Variants in BMP2K observed in about 807,000 individuals in gnomAD.
BMP2K encodes the protein BMP2 inducible kinase.
A neutral mutation model predicts 116.0 loss-of-function variants in BMP2K; 74 were observed. The observed-to-expected ratio is 0.64, with a 90% CI of 0.53 to 0.77. The LOEUF (loss-of-function observed/expected upper bound fraction) is 0.77. BMP2K is among the 30% of genes least tolerant of loss of function. The probability of loss-of-function intolerance (pLI) is 0.00; values close to 1 mark genes in which losing one functional copy is unlikely to be tolerated. For missense variants in BMP2K, 1,365 were observed against 1,403.6 expected, an observed-to-expected ratio of 0.97 and a Z score of 0.44; for synonymous variants, 486 against 502.5, an observed-to-expected ratio of 0.97 and a Z score of 0.44.
chr4:78,911,451 A>G lies in BMP2K; in HGVS notation c.2904A>G (p.Gln968=). Residue 968 remains glutamine (Q), a synonymous_variant, in exon 16 of 16, where the codon CAA becomes CAG. Coordinates refer to ENST00000502613, the MANE Select transcript of BMP2K (RefSeq NM_198892.2). ...PFDEITGSQQ[Q]KVKQRSLQKL... is the part of the protein sequence containing the mutation. ...ATGAAATAACGGGGAGCCAGCAGCAAAAAGTCAAACAGCGCAGCTTACAGA... is the reference window on the plus strand; with the variant it reads ...ATGAAATAACGGGGAGCCAGCAGCAGAAAGTCAAACAGCGCAGCTTACAGA... 2 of 1,614,058 alleles carry G rather than the reference A, an allele frequency of 1.2e-6. No individual in the cohort carries two copies. The highest frequency in any genetic ancestry group is 1.7e-6 in the Non-Finnish European group (2 of 1,179,894).
At chr4:78,838,442 A>G (rs191444453) in intron 3 of BMP2K, among the ~76,000 whole-genome samples, 1 of 152,346 alleles carries the variant, frequency 6.6e-6, no homozygotes, top group Admixed American at 6.5e-5. Flanking sequence ...ATTTCTTTAT[A>G]GAAGAAATCC....
At position 78,828,266 on chromosome 4, in the gene BMP2K, T is replaced by C. The variant is rs775530902; in HGVS notation, c.297+2111T>C. Among the ~76,000 whole-genome samples the C allele has an allele frequency of 5.3e-5, 8 of 152,164 alleles. No homozygotes were observed. The East Asian group carries it at 1.3e-3, about 26-fold the overall frequency. On this transcript the variant is annotated intron_variant, in intron 2 of 15. Coordinates refer to ENST00000502613, the MANE Select transcript of BMP2K (RefSeq NM_198892.2). ...CTCACAGAACTCAGGGAAACACTTA[T>C]GGTTAGTGGCATATTTTAAAGATAT...
intron 15 of BMP2K, among the ~76,000 whole-genome samples, chr4:78,888,463 G>A (rs1733229591): frequency 6.6e-6 from 1 of 152,156 alleles, no homozygotes; most frequent in Non-Finnish European, 1.5e-5. Flanking sequence ...TCTCTGTGTG[G>A]TAGAAGGCAG....
At chr4:78,776,997 G>A (rs1727281931) in intron 1 of BMP2K, among the ~76,000 whole-genome samples, 1 of 152,150 alleles carries the variant, frequency 6.6e-6, no homozygotes, top group South Asian at 2.1e-4. Context: ...GACGGGCTAG[G>A]AAGTGGGTTG....
chr4:78,794,100 A>G (rs1728138807), intron 1 of BMP2K, among the ~76,000 whole-genome samples: 3 of 152,162 alleles, frequency 2.0e-5, no homozygotes. Context: ...ACCAAAGAAA[A>G]GTGAGAAACT....
intron 2 of BMP2K, among the ~76,000 whole-genome samples, chr4:78,829,790 CTCT>C (rs1440103876): frequency 1.1e-4 from 10 of 91,172 alleles, no homozygotes; most frequent in Admixed American, 1.0e-3. Context: ...CTTTTCTTTT[CTCT>C]TCTCTTCTCT....
At chr4:78,779,001 A>G (rs188377568) in intron 1 of BMP2K, among the ~76,000 whole-genome samples, 97 of 152,324 alleles carry the variant, frequency 6.4e-4, no homozygotes, top group Non-Finnish European at 1.2e-3. Flanking sequence ...TGTGCCCTGA[A>G]GTGTTTTTGC....
intron 1 of BMP2K, among the ~76,000 whole-genome samples, chr4:78,787,246 G>A (rs1174559429): frequency 6.6e-6 from 1 of 152,178 alleles, no homozygotes; most frequent in Admixed American, 6.5e-5. Flanking sequence ...CTCTGTTTTT[G>A]AAGTTCTGTC....
rs1156738670 is a variant in BMP2K, at chr4:78,913,454, C to T, written c.*1421C>T. 1 of 152,120 alleles carries T rather than the reference C, an allele frequency of 6.6e-6. No homozygotes were observed. Among genetic ancestry groups the T allele is most frequent in the East Asian group, 1.9e-4 (1 of 5,206 alleles). The allele number at this position is 152,120 out of a possible 1,614,324, so 9.4% of individuals were successfully genotyped here. A position where few individuals can be genotyped will look rare whatever the true frequency, so the allele number is the denominator to read the frequency against. The stretch of plus-strand genomic sequence containing the variant: ...GTATCTGTGCTTCCTGTGTCTATGA[C>T]TATTTTAAGATATAATTGTGCTGCG... On this transcript the variant is annotated 3_prime_UTR_variant, in exon 16 of 16. Coordinates refer to ENST00000502613, the MANE Select transcript of BMP2K (RefSeq NM_198892.2).
chr4:78,875,622 T>C (rs1050299315), intron 13 of BMP2K, among the ~76,000 whole-genome samples: 1 of 152,210 alleles, frequency 6.6e-6, no homozygotes, highest in African/African-American at 2.4e-5. Context: ...TTACATACTT[T>C]CTTTGGATCA....
intron 5 of BMP2K, among the ~76,000 whole-genome samples, chr4:78,846,067 A>G (rs552264621): frequency 6.6e-5 from 10 of 151,842 alleles, no homozygotes; most frequent in African/African-American, 2.2e-4. Context: ...TGTGATGTTT[A>G]GTGGCTGCTG....
intron 1 of BMP2K, among the ~76,000 whole-genome samples, chr4:78,790,356 G>C (rs796644186): frequency 4.1e-4 from 63 of 152,250 alleles, no homozygotes; most frequent in African/African-American, 1.4e-3. Context: ...TTGTAGAGTA[G>C]TAATTACCAA....
rs1199233884 is a variant in BMP2K at position 78,887,165 on chromosome 4, T to C, written c.1952-9T>C. 2 of 1,551,234 alleles carry C rather than the reference T, an allele frequency of 1.3e-6. No homozygotes were observed. The highest frequency in any genetic ancestry group is 8.8e-7 in the Non-Finnish European group (1 of 1,136,628). Reference sequence around the variant, plus strand: ...TCATTTTTTATTTCGTTTCATCTTATTTTTGCAGATAGGCTCGAGGAGAGA... The same window carrying C: ...TCATTTTTTATTTCGTTTCATCTTACTTTTGCAGATAGGCTCGAGGAGAGA... On this transcript the variant is annotated splice_polypyrimidine_tract_variant and intron_variant, in intron 14 of 15. Coordinates refer to ENST00000502613, the MANE Select transcript of BMP2K (RefSeq NM_198892.2).
In BMP2K at chr4:78,805,839, C is replaced by T. The variant is rs6850096; in HGVS notation, c.179-20198C>T. Among the ~76,000 whole-genome samples the T allele has an allele frequency of 4.5e-3, 684 of 152,034 alleles. 2 individuals are homozygous for T. Among genetic ancestry groups the T allele is most frequent in the African/African-American group, 0.016 (645 of 41,502 alleles). On this transcript the variant is annotated intron_variant, in intron 1 of 15. Coordinates refer to ENST00000502613, the MANE Select transcript of BMP2K (RefSeq NM_198892.2). ...ACAAAAAATTAGCCGGGCACGGTGG[C>T]GGGCGTTTGTAGTTCCAGCTAATTG...
chr4:78,905,554 A>G (rs1448933481), intron 15 of BMP2K, among the ~76,000 whole-genome samples: 2 of 151,996 alleles, frequency 1.3e-5, no homozygotes, highest in African/African-American at 2.4e-5. Context: ...CTTATTCTAA[A>G]TATTATACCC....
chr4:78,860,464 A>G lies in BMP2K; in HGVS notation c.987+777A>G, dbSNP rs146326706. Among the ~76,000 whole-genome samples, 148 of 152,052 alleles carry G rather than the reference A, an allele frequency of 9.7e-4. 1 individual carries two copies. The South Asian group carries it at 0.021, about 22-fold the overall frequency. On this transcript the variant is annotated intron_variant, in intron 8 of 15. Coordinates refer to ENST00000502613, the MANE Select transcript of BMP2K (RefSeq NM_198892.2). ...ATTTCTTTTTCTGTAAAACAAGGAT[A>G]GTAATTATAAGGATTACATGTGAAA...
At chr4:78,907,090 C>T (rs753301600) in intron 15 of BMP2K, among the ~76,000 whole-genome samples, 5 of 151,910 alleles carry the variant, frequency 3.3e-5, no homozygotes, top group Non-Finnish European at 7.4e-5. Context: ...TAGAAACAAC[C>T]TAAATATTCT....
At chr4:78,826,227 C>A in intron 2 of BMP2K, 72 bp downstream of exon 2, 1 of 1,198,422 alleles carries the variant, frequency 8.3e-7, no homozygotes. Context: ...GGATGGAGTG[C>A]AGTGGAGTGG....
intron 14 of BMP2K, among the ~76,000 whole-genome samples, chr4:78,881,554 G>T (rs1041499229): frequency 6.6e-6 from 1 of 151,946 alleles, no homozygotes; most frequent in African/African-American, 2.4e-5. Flanking sequence ...GTTTAGAAAG[G>T]TTTCCTCTCA....
Sources: allele counts gnomAD v4.1 joint callset (sites outside exome capture counted in the v4.1 genomes callset), GRCh38; gene constraint gnomAD v4.1.1; transcripts MANE v1.5; gene names NCBI Gene and HGNC (gene_info 2026-07-23, HGNC 2026-07-21).